CSMD1: variants seen among roughly 807,000 people sequenced by gnomAD.
The protein encoded by CSMD1 is CUB and sushi domain-containing protein 1.
A neutral mutation model predicts 417.5 loss-of-function variants in CSMD1; 213 were observed. The ratio of observed to expected loss-of-function variants is 0.51; its 90% CI spans 0.46 to 0.57. CSMD1 has a LOEUF of 0.57. Ranked by LOEUF, CSMD1 falls within the 20% of genes least tolerant of loss-of-function variation. CSMD1 has a pLI of 0.00. For synonymous variants in CSMD1, 2,862 were observed against 1,736.8 expected (o/e 1.65, Z -16.11); for missense variants, 6,923 against 4,529.7 (o/e 1.53, Z -15.17).
At chr8:4,366,921 G>C (rs62479505) in intron 3 of CSMD1, among the ~76,000 whole-genome samples, 1 of 151,968 alleles carries the variant, frequency 6.6e-6, no homozygotes, top group Non-Finnish European at 1.5e-5. Flanking sequence ...ATTTGTCTAA[G>C]TTCCCTACAG....
At chr8:4,877,650 T>G (rs1228596035) in intron 1 of CSMD1, among the ~76,000 whole-genome samples, 1 of 152,096 alleles carries the variant, frequency 6.6e-6, no homozygotes, top group African/African-American at 2.4e-5. Context: ...CTGCCAAATA[T>G]AGCCAATAAA....
At chr8:3,893,078 C>T (rs146193170) in intron 5 of CSMD1, among the ~76,000 whole-genome samples, 7 of 151,712 alleles carry the variant, frequency 4.6e-5, no homozygotes, top group East Asian at 1.9e-4. Context: ...TGGAGAAATG[C>T]TGGAATTAGC....
chr8:4,417,355 C>G (rs941286251), intron 3 of CSMD1, among the ~76,000 whole-genome samples: 3 of 152,060 alleles, frequency 2.0e-5, no homozygotes, highest in Admixed American at 1.3e-4. Context: ...TACTGCCAGA[C>G]AACAGTTGAG....
intron 2 of CSMD1, among the ~76,000 whole-genome samples, chr8:4,433,207 TATA>T (rs1023699004): frequency 1.3e-5 from 2 of 152,174 alleles, no homozygotes; most frequent in Admixed American, 6.5e-5. Flanking sequence ...TGTATTACAA[TATA>T]ATAATATTAC....
intron 3 of CSMD1, among the ~76,000 whole-genome samples, chr8:4,202,144 T>C (rs1357835923): frequency 1.3e-5 from 2 of 152,124 alleles, no homozygotes; most frequent in Admixed American, 1.3e-4. Context: ...CAATCAGCCA[T>C]TTCTAGGACG....
In CSMD1 at chr8:3,390,812, A is replaced by G. The variant is rs187957770; in HGVS notation, c.2594-3130T>C. On this transcript the variant is annotated intron_variant, in intron 17 of 69. Transcript: ENST00000635120. ...GGTTCTGTATGAATCAACAGTCTTT[A>G]TAAAACTCCTAGTCCAAGGAAGGAA... Among the ~76,000 whole-genome samples the G allele has an allele frequency of 2.4e-3, 370 of 152,316 alleles. 1 individual carries two copies. Among genetic ancestry groups the G allele is most frequent in the African/African-American group, 7.6e-3 (318 of 41,576 alleles).
intron 10 of CSMD1, among the ~76,000 whole-genome samples, chr8:3,494,541 CAGACAGATTAGATGATAGAT>C (rs1796278976): frequency 6.8e-6 from 1 of 146,074 alleles, no homozygotes; most frequent in Admixed American, 7.0e-5. Context: ...TTAGCAGATA[CAGACAGATTAGATGATAGAT>C]AGATAGATAG....
At chr8:4,115,775 C>A (rs1463546082) in intron 3 of CSMD1, among the ~76,000 whole-genome samples, 2 of 151,678 alleles carry the variant, frequency 1.3e-5, no homozygotes, top group African/African-American at 2.4e-5. Flanking sequence ...AGCTATCAAG[C>A]CATGAAAAGT....
At chr8:3,644,419 T>C (rs1797472101) in intron 7 of CSMD1, among the ~76,000 whole-genome samples, 1 of 152,180 alleles carries the variant, frequency 6.6e-6, no homozygotes, top group South Asian at 2.1e-4. Flanking sequence ...ATTTACAGTT[T>C]CCTCACCTTA....
chr8:3,886,703 G>A (rs1806586947), intron 5 of CSMD1, among the ~76,000 whole-genome samples: 1 of 152,134 alleles, frequency 6.6e-6, no homozygotes. Context: ...AGACACTTAT[G>A]GAAGTCTTAA....
chr8:4,145,193 C>A (rs1311849290), intron 3 of CSMD1, among the ~76,000 whole-genome samples: 1 of 150,890 alleles, frequency 6.6e-6, no homozygotes, highest in Non-Finnish European at 1.5e-5. Flanking sequence ...AACACTAGTA[C>A]GTGTTTATAT....
chr8:4,311,259 T>A (rs979212182), intron 3 of CSMD1, among the ~76,000 whole-genome samples: 1 of 152,126 alleles, frequency 6.6e-6, no homozygotes, highest in African/African-American at 2.4e-5. Context: ...TAAATGTCCA[T>A]CAATGACAGA....
At chr8:4,238,622 A>G (rs1397922422) in intron 3 of CSMD1, among the ~76,000 whole-genome samples, 1 of 152,280 alleles carries the variant, frequency 6.6e-6, no homozygotes, top group Admixed American at 6.5e-5. Flanking sequence ...AAAAAACAGG[A>G]AGAATGAAAC....
intron 2 of CSMD1, among the ~76,000 whole-genome samples, chr8:4,567,443 C>A (rs535121553): frequency 1.3e-5 from 2 of 152,128 alleles, no homozygotes; most frequent in Non-Finnish European, 2.9e-5. Flanking sequence ...TTTCCTACCT[C>A]GTCTCTTTTC....
intron 1 of CSMD1, among the ~76,000 whole-genome samples, chr8:4,900,508 T>A (rs1467060822): frequency 6.6e-6 from 1 of 152,178 alleles, no homozygotes; most frequent in Non-Finnish European, 1.5e-5. Context: ...TCATCACTTC[T>A]GGTCTGCCAG....
At chr8:4,481,140 G>C (rs1332197844) in intron 2 of CSMD1, among the ~76,000 whole-genome samples, 1 of 152,204 alleles carries the variant, frequency 6.6e-6, no homozygotes, top group African/African-American at 2.4e-5. Flanking sequence ...AGGCTTGAGA[G>C]CCACACATGT....
chr8:3,391,340 G>C (rs940210301), intron 17 of CSMD1, among the ~76,000 whole-genome samples: 1 of 152,102 alleles, frequency 6.6e-6, no homozygotes, highest in Non-Finnish European at 1.5e-5. Context: ...AGATACTTTT[G>C]ACAGCATTTT....
At chr8:3,425,328 G>A (rs143299426) in intron 12 of CSMD1, among the ~76,000 whole-genome samples, 73 of 152,256 alleles carry the variant, frequency 4.8e-4, no homozygotes, top group African/African-American at 1.6e-3. Flanking sequence ...GGTGGCTCAC[G>A]CCTGTAATCC....
At chr8:4,232,141 C>T (rs950840518) in intron 3 of CSMD1, among the ~76,000 whole-genome samples, 4 of 152,142 alleles carry the variant, frequency 2.6e-5, no homozygotes, top group Admixed American at 6.5e-5. Flanking sequence ...CTATTAGTTT[C>T]CTTTTCTAAA....
Sources: allele counts gnomAD v4.1 joint callset (sites outside exome capture counted in the v4.1 genomes callset), GRCh38; gene constraint gnomAD v4.1.1; transcripts MANE v1.5; gene names NCBI Gene and HGNC (gene_info 2026-07-23, HGNC 2026-07-21).